The following SCYL3 variants were observed in gnomAD, a reference collection of about 807,000 sequenced individuals.
SCYL3 encodes the protein SCY1 like pseudokinase 3, also known as protein-associating with the carboxyl-terminal domain of ezrin.
Under a neutral mutation model 73.8 loss-of-function variants are expected in SCYL3, and 35 were observed. That is an observed-to-expected ratio of 0.47 (90% CI 0.36 to 0.63). SCYL3 has a LOEUF of 0.63. Among genes scored for constraint, SCYL3 ranks in the 20% least tolerant of loss-of-function variants. The pLI, the probability that SCYL3 is intolerant of heterozygous loss-of-function variation, is 0.00. For missense variants in SCYL3, 712 were observed against 798.9 expected (o/e 0.89, Z 1.31); for synonymous variants, 277 against 295.2 (o/e 0.94, Z 0.63).
In SCYL3 at chr1:169,875,957, G is replaced by T. The variant is rs373613106; in HGVS notation, c.465+21C>A. Reference sequence around the variant, plus strand: ...CGCTATTAAAAACCAAGTAAGGAAGGGGGGCTGTCCCCTGGCTTACCTCTG... The same window carrying T: ...CGCTATTAAAAACCAAGTAAGGAAGTGGGGCTGTCCCCTGGCTTACCTCTG... On this transcript the variant is annotated intron_variant, in intron 4 of 12. Transcript: ENST00000367771. The T allele has an allele frequency of 4.6e-6, 7 of 1,517,152 alleles. No homozygotes were observed. In the East Asian group the frequency reaches 9.3e-5, roughly 20 times the overall value. The allele number at this position is 1,517,152 out of a possible 1,614,324, so 94.0% of individuals were successfully genotyped here.
At chr1:169,861,687 G>T (rs1358263625) in intron 10 of SCYL3, among the ~76,000 whole-genome samples, 1 of 152,200 alleles carries the variant, frequency 6.6e-6, no homozygotes, top group Non-Finnish European at 1.5e-5. Flanking sequence ...CTCCTTGAAA[G>T]CAGAGAGAAT....
rs1659873166 is a variant in SCYL3 at position 169,864,308 on chromosome 1, A to G, written c.955+61T>C. The G allele has an allele frequency of 2.5e-6, 4 of 1,601,988 alleles. No homozygotes were observed. In the South Asian group the frequency reaches 4.4e-5, roughly 18 times the overall value. On this transcript the variant is annotated intron_variant, in intron 9 of 12. Transcript: ENST00000367771. ...CCACACAGTAATCTCATCCTGCTCA[A>G]ATATGGACTAATAATCACCAAACTT...
At chr1:169,855,482 A>G (rs1335908387) in intron 11 of SCYL3, among the ~76,000 whole-genome samples, 1 of 152,212 alleles carries the variant, frequency 6.6e-6, no homozygotes, top group Non-Finnish European at 1.5e-5. Context: ...CTTTTTCACA[A>G]CACGCCCATT....
At chr1:169,866,835 A>C (rs1307345706) in intron 8 of SCYL3, 61 bp downstream of exon 8, 2 of 917,816 alleles carry the variant, frequency 2.2e-6, no homozygotes, top group African/African-American at 1.7e-5. Context: ...AGAATACCTA[A>C]AGTGATTATA....
At chr1:169,866,464 T>C (rs998632765) in intron 8 of SCYL3, among the ~76,000 whole-genome samples, 2 of 152,218 alleles carry the variant, frequency 1.3e-5, no homozygotes, top group Non-Finnish European at 2.9e-5. Context: ...ACATCAGCAC[T>C]CCTCACTGCC....
At chr1:169,869,303 C>A (rs1303488195) in intron 6 of SCYL3, among the ~76,000 whole-genome samples, 8 of 152,198 alleles carry the variant, frequency 5.3e-5, no homozygotes, top group Non-Finnish European at 7.3e-5. Flanking sequence ...TAACCCAGCT[C>A]AGGCCCAAAG....
chr1:169,882,504 C>T (rs1281565654), intron 2 of SCYL3, among the ~76,000 whole-genome samples: 2 of 152,184 alleles, frequency 1.3e-5, no homozygotes, highest in East Asian at 3.9e-4. Flanking sequence ...GGGCACATGG[C>T]GTGGGACTGG....
chr1:169,881,373 T>A (rs970366915), intron 2 of SCYL3, among the ~76,000 whole-genome samples: 9 of 152,244 alleles, frequency 5.9e-5, no homozygotes. Flanking sequence ...TTTGTAAAGA[T>A]CAAATCAATG....
At chr1:169,891,299 G>A (rs772849958) in intron 1 of SCYL3, among the ~76,000 whole-genome samples, 3 of 152,118 alleles carry the variant, frequency 2.0e-5, no homozygotes, top group Admixed American at 6.5e-5. Flanking sequence ...CATACTTAGG[G>A]GGCACATTAC....
At chr1:169,858,372 C>T (rs1404575028) in intron 11 of SCYL3, among the ~76,000 whole-genome samples, 2 of 152,178 alleles carry the variant, frequency 1.3e-5, no homozygotes, top group African/African-American at 4.8e-5. Context: ...CTTTGACCTC[C>T]ACAGCTTATT....
chr1:169,862,241 A>G (rs1659699890), intron 10 of SCYL3, among the ~76,000 whole-genome samples: 1 of 152,260 alleles, frequency 6.6e-6, no homozygotes, highest in Non-Finnish European at 1.5e-5. Context: ...CTAGTGGCTG[A>G]TAACAACAGG....
Position 169,858,241 on chromosome 1 carries a change from C to T in SCYL3, c.1312+800G>A, listed in dbSNP as rs76436512. Among the ~76,000 whole-genome samples, 1,521 of 152,180 alleles carry T rather than the reference C, an allele frequency of 1.0e-2. 25 individuals carry two copies. The highest frequency in any genetic ancestry group is 0.034 in the African/African-American group (1,411 of 41,526). On this transcript the variant is annotated intron_variant, in intron 11 of 12. Transcript: ENST00000367771. ...TTTTCTTATATCCTTATTCTGTAAG[C>T]TTTTTCTGTTTTTAAAATTATTTAC...
rs1245952329 is a variant in SCYL3, at chr1:169,888,842, C to T, written c.-2G>A. 6.9e-6 allele frequency: 11 copies of T among 1,600,808 alleles called. No individual in the cohort carries two copies. The highest frequency in any genetic ancestry group is 1.3e-5 in the African/African-American group (1 of 74,634). On this transcript the variant is annotated 5_prime_UTR_variant, in exon 2 of 13. Coordinates refer to ENST00000367771, the MANE Select transcript of SCYL3 (RefSeq NM_020423.7). The stretch of plus-strand genomic sequence containing the variant: ...TAAAGCACTGTTCTCTGATCCCATC[C>T]CTTATGCAGTGAGGCAGTACTGCCA...
At chr1:169,863,156 C>T (rs1194640009) in intron 9 of SCYL3, among the ~76,000 whole-genome samples, 3 of 152,214 alleles carry the variant, frequency 2.0e-5, no homozygotes, top group African/African-American at 7.2e-5. Flanking sequence ...AGTGATCCAC[C>T]TGCCTCGGTG....
intron 1 of SCYL3, among the ~76,000 whole-genome samples, chr1:169,893,190 A>C (rs932291603): frequency 6.6e-6 from 1 of 152,192 alleles, no homozygotes; most frequent in Non-Finnish European, 1.5e-5. Context: ...AGAATTTCAC[A>C]TGGATTCCTG....
At position 169,854,690 on chromosome 1, in the gene SCYL3, G is replaced by C. The variant is rs200214247; in HGVS notation, c.1587C>G (p.Asn529Lys). The change falls in exon 12 of 13, where the codon AAC becomes AAG. Residue 529 changes from asparagine to lysine, a missense_variant. Physicochemically the swap from Asn to Lys is moderately conservative, Grantham distance 94 (BLOSUM62 0). Coordinates refer to ENST00000367771, the MANE Select transcript of SCYL3 (RefSeq NM_020423.7). ...CEPSSLDTKVNPGGGITATKP... is the reference protein window; with the variant it reads ...CEPSSLDTKVKPGGGITATKP... Reference sequence around the variant, plus strand: ...TTGTAGCAGTGATTCCACCTCCTGGGTTTACTTTAGTATCTAAGCTGCTGG... The same window carrying C: ...TTGTAGCAGTGATTCCACCTCCTGGCTTTACTTTAGTATCTAAGCTGCTGG... 129 of 1,614,000 alleles carry C rather than the reference G, an allele frequency of 8.0e-5. 1 individual carries two copies. Among genetic ancestry groups the C allele is most frequent in the Admixed American group, 3.5e-4 (21 of 59,998 alleles).
intron 11 of SCYL3, among the ~76,000 whole-genome samples, chr1:169,856,863 A>G (rs1216695274): frequency 2.6e-5 from 4 of 152,188 alleles, no homozygotes; most frequent in Non-Finnish European, 5.9e-5. Context: ...AAACTTCAGG[A>G]AGCCAATGTT....
chr1:169,891,052 A>C (rs1662045808), intron 1 of SCYL3, among the ~76,000 whole-genome samples: 1 of 152,188 alleles, frequency 6.6e-6, no homozygotes, highest in African/African-American at 2.4e-5. Context: ...TAATTCACAA[A>C]TTAGCCATCA....
chr1:169,862,565 T>G (rs1185329102), intron 10 of SCYL3, 48 bp downstream of exon 10: 7 of 1,596,970 alleles, frequency 4.4e-6, no homozygotes, highest in Non-Finnish European at 6.0e-6. Context: ...CTTTCAGCAC[T>G]CTTCCCTCAG....
Sources: gnomAD v4.1 joint callset for allele counts (sites outside exome capture counted in the v4.1 genomes callset) on GRCh38, gnomAD v4.1.1 for gene constraint, MANE v1.5 for transcripts, NCBI Gene and HGNC (gene_info 2026-07-23, HGNC 2026-07-21) for gene names.